KCNH5: variants seen among roughly 807,000 people sequenced by gnomAD.
The protein encoded by KCNH5 is potassium voltage-gated channel subfamily H member 5.
KCNH5 carries 46 observed loss-of-function variants against 96.1 expected under a neutral mutation model. The ratio of observed to expected loss-of-function variants is 0.48; its 90% CI spans 0.38 to 0.61. KCNH5 has a LOEUF of 0.61. Among genes scored for constraint, KCNH5 ranks in the 20% least tolerant of loss-of-function variants. The pLI is 0.00. For missense variants in KCNH5, 907 were observed against 1,225.8 expected (o/e 0.74, Z 3.88); for synonymous variants, 439 against 449.8 (o/e 0.98, Z 0.30).
chr14:62,779,715 C>G lies in KCNH5; in HGVS notation c.2019+13G>C, dbSNP rs1441813338. On this transcript the variant is annotated intron_variant, in intron 10 of 10. Transcript: ENST00000322893. ...TGGACACTAATAAGAAAAAGCAGAC[C>G]CAGAGAACATACCCGTTTCCTCAGA... is the stretch of plus-strand genomic sequence containing the variant. The G allele has an allele frequency of 6.2e-7, 1 of 1,603,310 alleles. No homozygotes were observed. The highest frequency in any genetic ancestry group is 1.3e-5 in the African/African-American group (1 of 74,528).
At chr14:62,862,589 G>C (rs1032237831) in intron 7 of KCNH5, among the ~76,000 whole-genome samples, 1 of 152,112 alleles carries the variant, frequency 6.6e-6, no homozygotes, top group Non-Finnish European at 1.5e-5. Flanking sequence ...TTGACCAATA[G>C]GATGTGGCAG....
chr14:62,842,115 T>A (rs924134872), intron 8 of KCNH5, among the ~76,000 whole-genome samples: 2 of 152,184 alleles, frequency 1.3e-5, no homozygotes, highest in African/African-American at 4.8e-5. Flanking sequence ...ATTTGACACA[T>A]GAAAAGTTTA....
chr14:62,839,269 A>T (rs1329327351), intron 8 of KCNH5, among the ~76,000 whole-genome samples: 1 of 152,184 alleles, frequency 6.6e-6, no homozygotes, highest in Non-Finnish European at 1.5e-5. Flanking sequence ...ATTTTATGTA[A>T]CAGTCATGTA....
At chr14:62,719,440 A>G (rs1884757781) in intron 10 of KCNH5, among the ~76,000 whole-genome samples, 1 of 152,262 alleles carries the variant, frequency 6.6e-6, no homozygotes, top group South Asian at 2.1e-4. Context: ...GCCTGATAAA[A>G]GAAAAACTTC....
intron 7 of KCNH5, among the ~76,000 whole-genome samples, chr14:62,875,555 C>A (rs934819442): frequency 7.2e-5 from 11 of 151,784 alleles, no homozygotes; most frequent in African/African-American, 2.7e-4. Context: ...ACAACAGATG[C>A]TGGCGAGGAG....
intron 9 of KCNH5, among the ~76,000 whole-genome samples, chr14:62,793,158 T>G (rs74570092): frequency 0.013 from 1,933 of 151,734 alleles, 43 homozygotes; most frequent in African/African-American, 0.044. Context: ...GGGGAAAGGA[T>G]AGTTTTTGTT....
chr14:62,781,331 A>T (rs1028981844), intron 9 of KCNH5, among the ~76,000 whole-genome samples: 4 of 152,218 alleles, frequency 2.6e-5, no homozygotes, highest in African/African-American at 9.6e-5. Context: ...ACAGGACCAC[A>T]GGACTGAGGT....
At chr14:63,016,800 GA>G (rs779993926) in intron 2 of KCNH5, 30 bp downstream of exon 2, 1 of 1,592,700 alleles carries the variant, frequency 6.3e-7, no homozygotes, top group South Asian at 1.1e-5. Context: ...TTAAATTTCA[GA>G]AAAGATTACT....
At position 62,948,428 on chromosome 14, in the gene KCNH5, T is replaced by A. The variant is rs1017032842; in HGVS notation, c.1369+1705A>T. Among the ~76,000 whole-genome samples the A allele has an allele frequency of 5.1e-4, 78 of 152,018 alleles. 1 individual carries two copies. The South Asian group carries it at 0.013, about 25-fold the overall frequency. On this transcript the variant is annotated intron_variant, in intron 7 of 10. Transcript: ENST00000322893. ...ATCTAGAAGAAATGGATAAATTCCT[T>A]GACACATACACTCTCCCAAGACTAA...
intron 7 of KCNH5, among the ~76,000 whole-genome samples, chr14:62,898,409 TAATAGA>T (rs772578008): frequency 1.2e-4 from 19 of 152,080 alleles, no homozygotes; most frequent in Non-Finnish European, 2.5e-4. Flanking sequence ...ATCGCTGAAA[TAATAGA>T]CTTGGAGATT....
chr14:62,917,890 T>TA (rs1277879558), intron 7 of KCNH5, among the ~76,000 whole-genome samples: 1 of 152,198 alleles, frequency 6.6e-6, no homozygotes, highest in African/African-American at 2.4e-5. Context: ...AGGATCATAT[T>TA]AACAGTCAAG....
At chr14:62,730,254 A>G (rs1277904559) in intron 10 of KCNH5, among the ~76,000 whole-genome samples, 3 of 152,244 alleles carry the variant, frequency 2.0e-5, no homozygotes, top group Non-Finnish European at 4.4e-5. Flanking sequence ...TTAGGATTTA[A>G]TGGATTATAT....
intron 10 of KCNH5, among the ~76,000 whole-genome samples, chr14:62,761,396 C>A (rs1412050234): frequency 1.3e-5 from 2 of 150,314 alleles, no homozygotes; most frequent in Non-Finnish European, 3.0e-5. Flanking sequence ...TTGTAATGTG[C>A]TACAAAGCTA....
At chr14:62,996,762 G>A (rs1221089107) in intron 4 of KCNH5, among the ~76,000 whole-genome samples, 4 of 152,254 alleles carry the variant, frequency 2.6e-5, no homozygotes, top group Non-Finnish European at 4.4e-5. Context: ...AGGTTCAGCC[G>A]GTCAAAACTG....
chr14:62,802,089 A>G (rs913986328), intron 9 of KCNH5, among the ~76,000 whole-genome samples: 3 of 152,182 alleles, frequency 2.0e-5, no homozygotes, highest in Non-Finnish European at 2.9e-5. Flanking sequence ...CTTTAGTCTA[A>G]AAGGTACTGT....
At chr14:62,986,369 C>A (rs1419926564) in intron 5 of KCNH5, among the ~76,000 whole-genome samples, 1 of 152,124 alleles carries the variant, frequency 6.6e-6, no homozygotes, top group Non-Finnish European at 1.5e-5. Flanking sequence ...CATGAGACAC[C>A]AACCACCACC....
At chr14:62,823,569 A>T (rs1242772914) in intron 8 of KCNH5, among the ~76,000 whole-genome samples, 1 of 152,030 alleles carries the variant, frequency 6.6e-6, no homozygotes, top group African/African-American at 2.4e-5. Context: ...ACACTTCCAC[A>T]CTATCCATTT....
chr14:62,912,696 G>A (rs921504674), intron 7 of KCNH5, among the ~76,000 whole-genome samples: 70 of 152,224 alleles, frequency 4.6e-4, no homozygotes, highest in African/African-American at 1.5e-3. Flanking sequence ...GTGAGCCACC[G>A]TACCTGGCCA....
intron 7 of KCNH5, among the ~76,000 whole-genome samples, chr14:62,933,348 T>C (rs1889615772): frequency 6.6e-6 from 1 of 152,100 alleles, no homozygotes; most frequent in Non-Finnish European, 1.5e-5. Context: ...AAATAGCATA[T>C]ACCTAGTCAT....
Sources: allele counts gnomAD v4.1 joint callset (sites outside exome capture counted in the v4.1 genomes callset), GRCh38; gene constraint gnomAD v4.1.1; transcripts MANE v1.5; gene names NCBI Gene and HGNC (gene_info 2026-07-23, HGNC 2026-07-21).